Variants in ZNF324B observed in about 807,000 individuals in gnomAD.
ZNF324B encodes the protein zinc finger protein 324B.
Under a neutral mutation model 10.6 loss-of-function variants are expected in ZNF324B, and 7 were observed. That is an observed-to-expected ratio of 0.66 (90% CI 0.38 to 1.24). The LOEUF (loss-of-function observed/expected upper bound fraction) is 1.24, where lower values mean the gene tolerates loss of function less well. ZNF324B is among the 50% of genes most tolerant of loss of function. The pLI, the probability that ZNF324B is intolerant of heterozygous loss-of-function variation, is 0.02. For synonymous variants in ZNF324B, 316 were observed against 321.0 expected, an observed-to-expected ratio of 0.98 and a Z score of 0.17; for missense variants, 640 against 764.7, an observed-to-expected ratio of 0.84 and a Z score of 1.92.
chr19:58,456,296 G>A lies in ZNF324B; in HGVS notation c.1352G>A (p.Arg451Gln). 1 of 1,612,838 alleles carries A rather than the reference G, an allele frequency of 6.2e-7. No homozygotes were observed. The highest frequency in any genetic ancestry group is 8.5e-7 in the Non-Finnish European group (1 of 1,179,834). The stretch of plus-strand genomic sequence containing the variant: ...CACCAGCTCCTGCACACGGGCGAGC[G>A]GCCCTTCCGCTGCGTGGACTGTGGC... ...TQHQLLHTGERPFRCVDCGKG... is the reference protein window; with the variant it reads ...TQHQLLHTGEQPFRCVDCGKG... The change falls in exon 4 of 4, where the codon CGG becomes CAG. Residue 451 changes from arginine to glutamine, a missense_variant. Transcript: ENST00000336614. This position sits in a 1 kb window ranked among gnomAD's most constrained non-coding sequence, Gnocchi z 4.7.
In ZNF324B at chr19:58,455,544, G is replaced by A. The variant is rs1378945321; in HGVS notation, c.600G>A (p.Gln200=). ...CTGAGCGGCAGAAGCCATGTGCACA[G>A]GAGGTCCCTGGGAGAGCCTTCGGGA... is the stretch of plus-strand genomic sequence containing the variant. ...RTPERQKPCA[Q]EVPGRAFGNA... is the part of the protein sequence containing the mutation. Residue 200 remains glutamine (Q), a synonymous_variant, in exon 4 of 4, where the codon CAG becomes CAA. Transcript: ENST00000336614. The surrounding 1 kb of genome is among the most constrained non-coding windows in gnomAD (Gnocchi z 7.0). 1 of 1,613,978 alleles carries A rather than the reference G, an allele frequency of 6.2e-7. No homozygotes were observed. The highest frequency in any genetic ancestry group is 1.3e-5 in the African/African-American group (1 of 74,948).
At chr19:58,450,133 T>A (rs2052845093), upstream of ZNF324B, among the ~76,000 whole-genome samples, 1 of 152,006 alleles carries the variant, frequency 6.6e-6, no homozygotes, top group African/African-American at 2.4e-5. Flanking sequence ...TCATAAGGGG[T>A]TTCCTCTTTT....
At chr19:58,427,442 CCTTT>C in the ZNF324B span, among the ~76,000 whole-genome samples, 818 of 78,858 alleles carry the variant, frequency 0.01, 33 homozygotes, top group East Asian at 0.04. Flanking sequence ...TTCCTTCCTT[CCTTT>C]CCTTTCCCTT....
chr19:58,451,702 A>C lies in ZNF324B; in HGVS notation c.-9A>C, dbSNP rs750236920. On this transcript the variant is annotated splice_region_variant and 5_prime_UTR_variant, in exon 1 of 4. Transcript: ENST00000336614. ...TCGGGGCCCGAGGCGGGCGGCCAGG[A>C]AGGTACGGACCACGAGCAGCCGGCC... The C allele has an allele frequency of 2.0e-6, 1 of 497,542 alleles. No homozygotes were observed. Among genetic ancestry groups the C allele is most frequent in the Non-Finnish European group, 4.0e-6 (1 of 251,160 alleles). The allele number at this position is 497,542 out of a possible 1,614,324, so 30.8% of individuals were successfully genotyped here.
At chr19:58,440,513 G>C in the ZNF324B span, 1 of 152,490 alleles carries the variant, frequency 6.6e-6, no homozygotes, top group African/African-American at 2.4e-5. Flanking sequence ...CTTCTGAAGG[G>C]ACCGCGTTGT....
the ZNF324B span, among the ~76,000 whole-genome samples, chr19:58,422,518 A>G: frequency 5.9e-4 from 89 of 152,110 alleles, no homozygotes; most frequent in Non-Finnish European, 1.0e-3. Flanking sequence ...AGACCCCACC[A>G]AAAAAACTCT....
rs750086211 is a variant in ZNF324B at position 58,456,158 on chromosome 19, C to T, written c.1214C>T (p.Ala405Val). The T allele has an allele frequency of 5.6e-6, 9 of 1,613,394 alleles. No individual in the cohort carries two copies. The highest frequency in any genetic ancestry group is 7.6e-6 in the Non-Finnish European group (9 of 1,179,776). The change falls in exon 4 of 4, where the codon GCC becomes GTC. Residue 405 changes from alanine (A) to valine (V), a missense_variant. Ala to Val is a moderately conservative substitution (Grantham distance 64, BLOSUM62 0). Around this residue, in one of 3 missense-constraint regions of ZNF324B, gnomAD observed 238 missense variants for 258.0 expected, o/e 0.92. Coordinates refer to ENST00000336614, the MANE Select transcript of ZNF324B (RefSeq NM_207395.3). The surrounding 1 kb of genome is among the most constrained non-coding windows in gnomAD (Gnocchi z 4.7). ...TTCGTATGCGCGCTCTGCGGTGCTGCCTTCAGCCAGGGCTCCTCGCTCTTT... is the reference window on the plus strand; with the variant it reads ...TTCGTATGCGCGCTCTGCGGTGCTGTCTTCAGCCAGGGCTCCTCGCTCTTT... ...KPFVCALCGA[A>V]FSQGSSLFLH...
chr19:58,435,314 A>G, the ZNF324B span: 43 of 1,361,984 alleles, frequency 3.2e-5, no homozygotes, highest in African/African-American at 5.8e-5. Context: ...AAGAGGTCCC[A>G]GGGATTGCTG....
At chr19:58,421,948 C>T in the ZNF324B span, among the ~76,000 whole-genome samples, 1 of 152,234 alleles carries the variant, frequency 6.6e-6, no homozygotes, top group African/African-American at 2.4e-5. Flanking sequence ...GTTTTTGACT[C>T]GCTCTGTAAC....
At chr19:58,440,171 C>G in the ZNF324B span, 1 of 343,234 alleles carries the variant, frequency 2.9e-6, no homozygotes, top group Non-Finnish European at 5.4e-6. Context: ...CCGGAAGTCC[C>G]GCCTCTCAAT....
the ZNF324B span, among the ~76,000 whole-genome samples, chr19:58,427,350 C>CTTTCTTTCTCT: frequency 1.7e-5 from 1 of 60,002 alleles, no homozygotes; most frequent in Non-Finnish European, 3.7e-5. Flanking sequence ...TTTCTCTTTC[C>CTTTCTTTCTCT]TTTCTTTCTT....
At chr19:58,453,608 G>T in intron 1 of ZNF324B, 88 bp from the exon 2 acceptor site, 6 of 1,566,448 alleles carry the variant, frequency 3.8e-6, no homozygotes, top group Non-Finnish European at 5.3e-6. Flanking sequence ...AGGGACACTG[G>T]GGGAGGTGAC....
the ZNF324B span, among the ~76,000 whole-genome samples, chr19:58,419,612 G>A: frequency 2.0e-5 from 3 of 152,062 alleles, no homozygotes; most frequent in African/African-American, 4.8e-5. Flanking sequence ...ATCCTCTCTG[G>A]GCTGTTCACC....
chr19:58,427,454 C>T, the ZNF324B span, among the ~76,000 whole-genome samples: 417 of 65,698 alleles, frequency 6.3e-3, 28 homozygotes, highest in African/African-American at 0.031. Flanking sequence ...TTTCCTTTCC[C>T]TTCCTTCCTT....
chr19:58,454,190 T>C, intron 2 of ZNF324B, 38 bp from the exon 3 acceptor site: 1 of 1,431,780 alleles, frequency 7.0e-7, no homozygotes, highest in South Asian at 1.1e-5. Context: ...TGGGTTGTCT[T>C]GACCTGGGGC....
chr19:58,453,940 C>T (rs1220662569), intron 2 of ZNF324B, 118 bp downstream of exon 2: 3 of 1,446,058 alleles, frequency 2.1e-6, no homozygotes, highest in Non-Finnish European at 2.8e-6. Context: ...GAACAAGGGT[C>T]TGGTCCTGTA....
chr19:58,434,457 G>A, the ZNF324B span: 2 of 1,614,206 alleles, frequency 1.2e-6, no homozygotes, highest in Non-Finnish European at 1.7e-6. Context: ...TGAGTTTGTG[G>A]TTGAAGGTTT....
chr19:58,433,800 A>G, the ZNF324B span: 1 of 1,614,200 alleles, frequency 6.2e-7, no homozygotes, highest in Non-Finnish European at 8.5e-7. Flanking sequence ...AGGCTTTCCC[A>G]CACTCACTAC....
the ZNF324B span, chr19:58,437,079 A>G: frequency 6.2e-7 from 1 of 1,614,164 alleles, no homozygotes; most frequent in Non-Finnish European, 8.5e-7. Flanking sequence ...GTTTTCCAGC[A>G]TCACACTGTG....
Sources: gnomAD v4.1 joint callset for allele counts (sites outside exome capture counted in the v4.1 genomes callset) on GRCh38, gnomAD v4.1.1 for gene constraint, gnomAD v4.1.1 regional missense constraint, Gnocchi (gnomAD v3.1) non-coding constraint, MANE v1.5 for transcripts, NCBI Gene and HGNC (gene_info 2026-07-23, HGNC 2026-07-21) for gene names.